Variants in CD6 observed in about 807,000 individuals in gnomAD.
CD6 encodes CD6 molecule.
In CD6, 53 loss-of-function variants were observed where a neutral mutation model predicts 75.3. The observed-to-expected ratio is 0.70, with a 90% CI of 0.56 to 0.88. CD6 has a LOEUF of 0.88. CD6 is among the 40% of genes least tolerant of loss of function. The probability of loss-of-function intolerance (pLI) is 0.00; values close to 1 mark genes in which losing one functional copy is unlikely to be tolerated. For missense variants in CD6, 770 were observed against 897.1 expected, an observed-to-expected ratio of 0.86 and a Z score of 1.81; for synonymous variants, 359 against 381.5, an observed-to-expected ratio of 0.94 and a Z score of 0.69.
chr11:60,987,716 T>C lies in CD6; in HGVS notation c.49+15802T>C, dbSNP rs1431600343. Among the ~76,000 whole-genome samples, 5 of 78,012 alleles carry C rather than the reference T, an allele frequency of 6.4e-5. No individual in the cohort carries two copies. In the East Asian group the frequency reaches 5.6e-3, roughly 87 times the overall value. The allele number at this position is 78,012 out of a possible 152,430, so 51.2% of individuals were successfully genotyped here. ...TTTGGCAAAGGCCTGGAAAGAGGTA[T>C]CTTTCCATCGATTTCTTACCCCTGA... On this transcript the variant is annotated intron_variant, in intron 1 of 12. Coordinates refer to ENST00000313421, the MANE Select transcript of CD6 (RefSeq NM_006725.5).
rs1027213152 is a variant in CD6, at chr11:61,020,018, C to G, written c.*700C>G. On this transcript the variant is annotated 3_prime_UTR_variant, in exon 13 of 13. Coordinates refer to ENST00000313421, the MANE Select transcript of CD6 (RefSeq NM_006725.5). ...CTCCAAGTCCGCCAGGGGCACAGACCAGTTCTGCAGTGACTGTCCCTGGAC... is the reference window on the plus strand; with the variant it reads ...CTCCAAGTCCGCCAGGGGCACAGACGAGTTCTGCAGTGACTGTCCCTGGAC... 2.3e-5 allele frequency: 9 copies of G among 397,274 alleles called. No homozygotes were observed. The highest frequency in any genetic ancestry group is 8.2e-5 in the African/African-American group (4 of 48,616). 24.6% of individuals were successfully genotyped at this position (397,274 alleles called of 1,614,324 possible). A position where few individuals can be genotyped will look rare whatever the true frequency, so the allele number is the denominator to read the frequency against.
rs1857185601 is a variant in CD6, at chr11:60,971,680, A to T, written c.-186A>T. 1 of 608,896 alleles carries T rather than the reference A, an allele frequency of 1.6e-6. No individual in the cohort carries two copies. Among genetic ancestry groups the T allele is most frequent in the Middle Eastern group, 4.3e-4 (1 of 2,316 alleles). The allele number at this position is 608,896 out of a possible 1,614,324, so 37.7% of individuals were successfully genotyped here. On this transcript the variant is annotated 5_prime_UTR_variant, in exon 1 of 13. Transcript: ENST00000313421. ...CAAGCAGAACAAGCAGGCGTGAGAC[A>T]CTCACAGGTTGGGTTTGATCGCATG...
chr11:60,981,422 G>A (rs1857555446), intron 1 of CD6, among the ~76,000 whole-genome samples: 1 of 152,154 alleles, frequency 6.6e-6, no homozygotes, highest in African/African-American at 2.4e-5. Flanking sequence ...GGAAAGGTCC[G>A]CCCTTCCCCC....
At chr11:60,973,122 G>C (rs560422917) in intron 1 of CD6, among the ~76,000 whole-genome samples, 1 of 152,182 alleles carries the variant, frequency 6.6e-6, no homozygotes, top group Non-Finnish European at 1.5e-5. Context: ...GAGTAAAGTC[G>C]GGTCCAAAAG....
At chr11:61,011,157 G>A (rs771872898) in intron 6 of CD6, 22 bp downstream of exon 6, 10 of 1,584,588 alleles carry the variant, frequency 6.3e-6, no homozygotes, top group Admixed American at 1.7e-5. Flanking sequence ...TGGGTACTAC[G>A]CGGTTTCTCA....
intron 1 of CD6, among the ~76,000 whole-genome samples, chr11:61,004,765 C>G (rs1178112308): frequency 6.6e-6 from 1 of 152,206 alleles, no homozygotes; most frequent in Non-Finnish European, 1.5e-5. Flanking sequence ...AGGGCTTACT[C>G]CTTACTCACA....
intron 4 of CD6, 148 bp downstream of exon 4, chr11:61,008,993 A>G (rs11230564): frequency 0.19 from 128,957 of 676,370 alleles, 15,374 homozygotes; most frequent in Middle Eastern, 0.32. Flanking sequence ...AGACAAACAT[A>G]ATTCAGGAGA....
At chr11:60,979,406 G>T (rs1375946926) in intron 1 of CD6, among the ~76,000 whole-genome samples, 1 of 152,004 alleles carries the variant, frequency 6.6e-6, no homozygotes, top group Non-Finnish European at 1.5e-5. Flanking sequence ...AATTAAAGAG[G>T]CACCATGAGC....
chr11:61,018,983 C>T, intron 12 of CD6: 1 of 409,588 alleles, frequency 2.4e-6, no homozygotes, highest in Non-Finnish European at 4.3e-6. Flanking sequence ...TTGGGGGAGA[C>T]TGTGGTAGCA....
chr11:60,982,748 G>C (rs913179450), intron 1 of CD6: 56 of 455,934 alleles, frequency 1.2e-4, no homozygotes, highest in African/African-American at 8.4e-4. Flanking sequence ...GCCATCTCCT[G>C]TTTGTCAGAG....
intron 3 of CD6, chr11:61,008,227 G>A (rs1279746004): frequency 4.4e-6 from 2 of 453,474 alleles, no homozygotes; most frequent in Non-Finnish European, 7.7e-6. Flanking sequence ...CCCGCTCTGG[G>A]TCTCTCCTCC....
At position 61,018,363 on chromosome 11, in the gene CD6, C is replaced by A. The variant is rs1403999315; in HGVS notation, c.1912C>A (p.Pro638Thr). The A allele has an allele frequency of 8.7e-6, 14 of 1,604,094 alleles. No homozygotes were observed. The highest frequency in any genetic ancestry group is 1.2e-5 in the Non-Finnish European group (14 of 1,175,442). The change falls in exon 12 of 13, where the codon CCC becomes ACC. Residue 638 changes from proline to threonine, a missense_variant. Transcript: ENST00000313421. ...CCAGAACTTCCAGCCACCACCCCAG[C>A]CCCCTTCGGAGGAGCAGTTTGGCTG... ...WYQNFQPPPQPPSEEQFGCPG... is the reference protein window; with the variant it reads ...WYQNFQPPPQTPSEEQFGCPG...
chr11:60,987,967 T>G (rs1857896760), intron 1 of CD6: 1 of 152,258 alleles, frequency 6.6e-6, no homozygotes, highest in African/African-American at 2.4e-5. Context: ...GGCATCTCCC[T>G]GACCAAGGGT....
intron 1 of CD6, among the ~76,000 whole-genome samples, chr11:61,002,332 C>G (rs1040683496): frequency 2.0e-5 from 3 of 151,982 alleles, no homozygotes; most frequent in African/African-American, 7.3e-5. Flanking sequence ...GCAGGCAGAT[C>G]ACTTGAGGTC....
intron 1 of CD6, among the ~76,000 whole-genome samples, chr11:60,996,651 C>T (rs186534554): frequency 9.8e-5 from 15 of 152,300 alleles, no homozygotes; most frequent in African/African-American, 2.6e-4. Flanking sequence ...GCAGGGAGCA[C>T]GCCTCTCCCA....
intron 1 of CD6, among the ~76,000 whole-genome samples, chr11:61,004,120 C>T (rs967812330): frequency 6.6e-6 from 1 of 152,148 alleles, no homozygotes; most frequent in Non-Finnish European, 1.5e-5. Flanking sequence ...AGTGGTTTTC[C>T]AGACCCAGAG....
intron 1 of CD6, among the ~76,000 whole-genome samples, chr11:60,979,454 GTTTTGTTTTCTT>G (rs1216107185): frequency 2.0e-5 from 3 of 150,554 alleles, no homozygotes; most frequent in African/African-American, 7.4e-5. Flanking sequence ...TCCATATTTT[GTTTTGTTTTCTT>G]TTTTTTTTTT....
At chr11:61,013,823 G>T in intron 7 of CD6, 96 bp from the exon 8 acceptor site, 1 of 854,174 alleles carries the variant, frequency 1.2e-6, no homozygotes. Flanking sequence ...TTGGGGGAAT[G>T]AGGAGGGTGG....
rs1858933315 is a variant in CD6, at chr11:61,007,712, G to A, written c.271G>A (p.Ala91Thr). Residue 91 changes from alanine (A) to threonine (T), a missense_variant, in exon 3 of 13, where the codon GCG becomes ACG. By Grantham distance (58) the Ala-to-Thr change is moderately conservative (BLOSUM62 0). Coordinates refer to ENST00000313421, the MANE Select transcript of CD6 (RefSeq NM_006725.5). The surrounding 1 kb of genome is among the most constrained non-coding windows in gnomAD (Gnocchi z 4.2). ...GTGCCGAGCACTGGGCTGCGGCGGG[G>A]CGGAGGCCGCCTCTCAGCTCGCCCC... ...AVCRALGCGG[A>T]EAASQLAPPT... is the part of the protein sequence containing the mutation. 7.2e-7 allele frequency: 1 copy of A among 1,392,754 alleles called. No individual in the cohort carries two copies. The highest frequency in any genetic ancestry group is 9.3e-7 in the Non-Finnish European group (1 of 1,073,976). The allele number at this position is 1,392,754 out of a possible 1,614,324, so 86.3% of individuals were successfully genotyped here.
Sources: allele counts gnomAD v4.1 joint callset (sites outside exome capture counted in the v4.1 genomes callset), GRCh38; gene constraint gnomAD v4.1.1; non-coding constraint Gnocchi (gnomAD v3.1); transcripts MANE v1.5; gene names NCBI Gene and HGNC (gene_info 2026-07-23, HGNC 2026-07-21).